The following NECAP2 variants were observed in gnomAD, a reference collection of about 807,000 sequenced individuals.
NECAP2 encodes NECAP endocytosis associated 2.
NECAP2 carries 38 observed loss-of-function variants against 37.8 expected under a neutral mutation model. The ratio of observed to expected loss-of-function variants is 1.01; its 90% CI spans 0.78 to 1.32. The LOEUF is 1.32. NECAP2 is among the 40% of genes most tolerant of loss of function. The probability of loss-of-function intolerance (pLI) is 0.00; values close to 1 mark genes in which losing one functional copy is unlikely to be tolerated. For missense variants in NECAP2, 316 were observed against 334.5 expected (o/e 0.94, Z 0.43); for synonymous variants, 121 against 127.7 (o/e 0.95, Z 0.35).
chr1:16,458,087 C>T lies in NECAP2; in HGVS notation c.744-755C>T, dbSNP rs181879090. On this transcript the variant is annotated intron_variant, in intron 7 of 7. Coordinates refer to ENST00000337132, the MANE Select transcript of NECAP2 (RefSeq NM_018090.5). ...GCATTCTTACATGTGATGTTAACAT[C>T]GTTCTTGAACAGTTTTTAGCCTAAG... Among the ~76,000 whole-genome samples, 253 of 152,230 alleles carry T rather than the reference C, an allele frequency of 1.7e-3. 2 individuals are homozygous for T. The highest frequency in any genetic ancestry group is 4.2e-3 in the African/African-American group (175 of 41,536).
At position 16,440,763 on chromosome 1, in the gene NECAP2, T is replaced by TG; in HGVS notation, c.4dup (p.Glu2?). The TG allele has an allele frequency of 6.2e-7, 1 of 1,613,844 alleles. No homozygotes were observed. The highest frequency in any genetic ancestry group is 8.5e-7 in the Non-Finnish European group (1 of 1,179,776). On this transcript the variant is annotated frameshift_variant and start_lost, in exon 1 of 8. Coordinates refer to ENST00000337132, the MANE Select transcript of NECAP2 (RefSeq NM_018090.5). LOFTEE classifies it high-confidence loss of function. ...GTTCGGTGGGCTCCAGGCGTCGCGA[T>TG]GGAGGAGAGCGGGTACGAGTCGGTG...
Position 16,458,832 on chromosome 1 carries a change from C to G in NECAP2, c.744-10C>G, listed in dbSNP as rs78750066. ...GAACTCCCCCACCCTTCCCTGTCTTCTCTTTACAGATCAACTTCCAGCCAG... is the reference window on the plus strand; with the variant it reads ...GAACTCCCCCACCCTTCCCTGTCTTGTCTTTACAGATCAACTTCCAGCCAG... On this transcript the variant is annotated splice_polypyrimidine_tract_variant and intron_variant, in intron 7 of 7. Transcript: ENST00000337132. 9.3e-4 allele frequency: 1,507 copies of G among 1,613,398 alleles called. 17 individuals are homozygous for G. The African/African-American group carries it at 0.018, about 20-fold the overall frequency.
intron 6 of NECAP2, among the ~76,000 whole-genome samples, chr1:16,453,250 C>G (rs1443742865): frequency 6.6e-6 from 1 of 151,638 alleles, no homozygotes; most frequent in Non-Finnish European, 1.5e-5. Flanking sequence ...GCTGGGATTA[C>G]AGGCATGTGC....
At chr1:16,450,248 G>GT (rs35074812) in intron 5 of NECAP2, 85,488 of 354,702 alleles carry the variant, frequency 0.24, 9,015 homozygotes, top group Non-Finnish European at 0.26. Flanking sequence ...CCAGGTAGTG[G>GT]TTTTTTTTTG....
At chr1:16,443,293 A>C (rs1570253111) in intron 1 of NECAP2, among the ~76,000 whole-genome samples, 2 of 152,220 alleles carry the variant, frequency 1.3e-5, no homozygotes, top group East Asian at 3.8e-4. Context: ...TGGTTTGGAA[A>C]ATTTTTAAAG....
chr1:16,449,025 G>A, intron 4 of NECAP2, 68 bp from the exon 5 acceptor site: 1 of 1,022,092 alleles, frequency 9.8e-7, no homozygotes, highest in South Asian at 1.5e-5. Flanking sequence ...CAGTAGTGAA[G>A]TGAGCCAGTG....
In NECAP2 at chr1:16,459,252, C is replaced by T. The variant is rs1469789196; in HGVS notation, c.*362C>T. On this transcript the variant is annotated 3_prime_UTR_variant, in exon 8 of 8. Transcript: ENST00000337132. ...TTGAGTTTGCTGCCAGGATTCAGAT[C>T]AGCCCTTCCCAGGGTCTGCAGGTGT... The T allele has an allele frequency of 1.4e-5, 4 of 289,248 alleles. No homozygotes were observed. The East Asian group carries it at 3.1e-4, about 23-fold the overall frequency. The allele number at this position is 289,248 out of a possible 1,614,324, so 17.9% of individuals were successfully genotyped here.
intron 7 of NECAP2, among the ~76,000 whole-genome samples, chr1:16,456,667 T>C (rs1244943362): frequency 6.6e-6 from 1 of 152,206 alleles, no homozygotes; most frequent in East Asian, 1.9e-4. Context: ...GGTGAAAAGA[T>C]ACTAAATTCC....
At chr1:16,453,438 T>C (rs1263742867) in intron 6 of NECAP2, among the ~76,000 whole-genome samples, 1 of 152,006 alleles carries the variant, frequency 6.6e-6, no homozygotes, top group Non-Finnish European at 1.5e-5. Context: ...GTGTGTTGAC[T>C]AAAGTCTGAG....
At chr1:16,447,414 G>A (rs1466431011) in intron 2 of NECAP2, among the ~76,000 whole-genome samples, 3 of 152,074 alleles carry the variant, frequency 2.0e-5, no homozygotes, top group African/African-American at 7.2e-5. Context: ...TTTCCTCGGG[G>A]CTCACTGGCC....
Position 16,451,818 on chromosome 1 carries a change from C to T in NECAP2, c.490-20C>T. ...GACTCCAGCAGAACGGGCTGATTTG[C>T]ATTCCTCTTCCCTCTTTAGAACATG... On this transcript the variant is annotated intron_variant, in intron 5 of 7. Coordinates refer to ENST00000337132, the MANE Select transcript of NECAP2 (RefSeq NM_018090.5). 1 of 1,613,892 alleles carries T rather than the reference C, an allele frequency of 6.2e-7. No homozygotes were observed. Among genetic ancestry groups the T allele is most frequent in the Non-Finnish European group, 8.5e-7 (1 of 1,179,864 alleles).
chr1:16,451,923 C>G lies in NECAP2; in HGVS notation c.575C>G (p.Pro192Arg), dbSNP rs375487117. ...GGGCTGAGCCTGCTTCCCCCTCCCC[C>G]AGGGGGGAAAACCTCCACCCTGATC... ...TGGLSLLPPP[P>R]GGKTSTLIPP... Residue 192 changes from proline to arginine, a missense_variant, in exon 6 of 8, where the codon CCA (proline) becomes CGA (arginine). Pro to Arg is a moderately radical substitution (Grantham distance 103). Transcript: ENST00000337132. 2.5e-6 allele frequency: 4 copies of G among 1,613,942 alleles called. No individual in the cohort carries two copies. Among genetic ancestry groups the G allele is most frequent in the East Asian group, 4.5e-5 (2 of 44,870 alleles).
At chr1:16,452,657 C>T (rs1315437256) in intron 6 of NECAP2, among the ~76,000 whole-genome samples, 1 of 152,124 alleles carries the variant, frequency 6.6e-6, no homozygotes, top group Admixed American at 6.5e-5. Flanking sequence ...TTTGCCCTGG[C>T]AGTTTGTGCT....
rs753174332 is a variant in NECAP2 at position 16,447,889 on chromosome 1, C to T, written c.213C>T (p.Ala71=). The T allele has an allele frequency of 1.2e-6, 2 of 1,613,962 alleles. No homozygotes were observed. The highest frequency in any genetic ancestry group is 2.7e-5 in the African/African-American group (2 of 74,912). ...TTTCAGGGGAGCTCTTTGCTCAGGC[C>T]CCGGTGGATCAGTTTCCTGGCACAG... ...DRTSGELFAQ[A]PVDQFPGTAV... Residue 71 remains alanine, a synonymous_variant, in exon 3 of 8, where the codon GCC becomes GCT. Coordinates refer to ENST00000337132, the MANE Select transcript of NECAP2 (RefSeq NM_018090.5).
intron 7 of NECAP2, among the ~76,000 whole-genome samples, chr1:16,456,727 C>G (rs554201299): frequency 6.6e-6 from 1 of 152,120 alleles, no homozygotes; most frequent in Admixed American, 6.5e-5. Flanking sequence ...GGTCAGCACA[C>G]ATTTTCTTTT....
intron 1 of NECAP2, among the ~76,000 whole-genome samples, chr1:16,442,100 T>TCCC (rs2100940547): frequency 6.6e-6 from 1 of 151,674 alleles, no homozygotes; most frequent in East Asian, 2.0e-4. Flanking sequence ...TGCCTCAGCC[T>TCCC]CCCGAGTAGC....
chr1:16,445,035 A>G (rs926197970), intron 2 of NECAP2, among the ~76,000 whole-genome samples: 1 of 152,100 alleles, frequency 6.6e-6, no homozygotes, highest in African/African-American at 2.4e-5. Flanking sequence ...CATATTGGCC[A>G]GGCTGTTCTT....
chr1:16,444,003 T>A (rs1286408739), intron 2 of NECAP2, among the ~76,000 whole-genome samples: 1 of 152,162 alleles, frequency 6.6e-6, no homozygotes, highest in Non-Finnish European at 1.5e-5. Context: ...GACCGCAGCT[T>A]GGTCCTGGTA....
intron 1 of NECAP2, among the ~76,000 whole-genome samples, chr1:16,442,170 A>G (rs147774053): frequency 0.012 from 1,757 of 151,924 alleles, 36 homozygotes; most frequent in African/African-American, 0.038. Flanking sequence ...TAGAGATGAG[A>G]TTTCTCCATG....
Sources: allele counts gnomAD v4.1 joint callset (sites outside exome capture counted in the v4.1 genomes callset), GRCh38; gene constraint gnomAD v4.1.1; transcripts MANE v1.5; gene names NCBI Gene and HGNC (gene_info 2026-07-23, HGNC 2026-07-21).